The following ZNF226 variants were observed in gnomAD, a reference collection of about 807,000 sequenced individuals.
The protein encoded by ZNF226 is zinc finger protein 226.
Under a neutral mutation model 11.4 loss-of-function variants are expected in ZNF226, and 6 were observed. That is an observed-to-expected ratio of 0.53 (90% CI 0.29 to 1.04). The LOEUF (loss-of-function observed/expected upper bound fraction) is 1.04, where lower values mean the gene tolerates loss of function less well. Ranked by LOEUF, ZNF226 falls within the 50% of genes least tolerant of loss-of-function variation. The pLI is 0.08. For missense variants in ZNF226, 1,058 were observed against 956.5 expected, an observed-to-expected ratio of 1.11 and a Z score of -1.40; for synonymous variants, 350 against 322.8, an observed-to-expected ratio of 1.08 and a Z score of -0.90.
the ZNF226 span, among the ~76,000 whole-genome samples, chr19:44,193,947 T>C: frequency 3.8e-4 from 58 of 152,360 alleles, no homozygotes; most frequent in African/African-American, 1.3e-3. Flanking sequence ...GAAGATCCCA[T>C]TGCATTTCTT....
downstream of ZNF226, among the ~76,000 whole-genome samples, chr19:44,180,160 ATTT>A (rs1337969080): frequency 6.6e-6 from 1 of 151,836 alleles, no homozygotes; most frequent in Non-Finnish European, 1.5e-5. Flanking sequence ...GAAATATGTA[ATTT>A]TTGAGGTAAA....
chr19:44,166,106 A>G (rs1969341269), intron 2 of ZNF226, among the ~76,000 whole-genome samples: 1 of 152,208 alleles, frequency 6.6e-6, no homozygotes, highest in African/African-American at 2.4e-5. Flanking sequence ...CTTCTTTGGT[A>G]TGTTCTGCAT....
chr19:44,171,338 CT>C (rs1307825757), intron 3 of ZNF226, among the ~76,000 whole-genome samples: 1 of 151,984 alleles, frequency 6.6e-6, no homozygotes, highest in Non-Finnish European at 1.5e-5. Flanking sequence ...AAATATTAGA[CT>C]TTTTTTTACT....
rs754709256 is a variant in ZNF226 at position 44,172,915 on chromosome 19, G to A, written c.198G>A (p.Trp66Ter). The A allele has an allele frequency of 5.0e-6, 8 of 1,605,564 alleles. No individual in the cohort carries two copies. Among genetic ancestry groups the A allele is most frequent in the Non-Finnish European group, 6.0e-6 (7 of 1,176,046 alleles). ...CTATAGAAAGAAATGAGCAGCTTTG[G>A]ATAATGACGACAGCAACCCGAAGAC... is the stretch of plus-strand genomic sequence containing the variant. ...VSPIERNEQL[W>*]IMTTATRRQG... The change falls in exon 5 of 6, where the codon TGG (tryptophan) becomes TGA (stop). Residue 66 changes from tryptophan (W) to a stop codon, truncating the protein, a stop_gained. Transcript: ENST00000337433. LOFTEE classifies it low-confidence loss of function (END_TRUNC).
At chr19:44,178,359 CTG>C (rs1049621639), downstream of ZNF226, 1 of 152,124 alleles carries the variant, frequency 6.6e-6, no homozygotes, top group African/African-American at 2.4e-5. Context: ...TTTTTCAACA[CTG>C]TTAAGGCAGG....
chr19:44,194,619 A>G, the ZNF226 span, among the ~76,000 whole-genome samples: 1 of 152,196 alleles, frequency 6.6e-6, no homozygotes, highest in South Asian at 2.1e-4. Flanking sequence ...TTTATTTACC[A>G]AAGATTTACC....
chr19:44,197,146 G>T, the ZNF226 span, among the ~76,000 whole-genome samples: 1 of 152,028 alleles, frequency 6.6e-6, no homozygotes, highest in Non-Finnish European at 1.5e-5. Flanking sequence ...TACTTATTTT[G>T]TTACTGTAGA....
downstream of ZNF226, among the ~76,000 whole-genome samples, chr19:44,180,979 G>T (rs959874383): frequency 5.3e-5 from 8 of 152,160 alleles, no homozygotes; most frequent in African/African-American, 1.9e-4. Flanking sequence ...GTGTTAGGTA[G>T]TTTACTACTC....
chr19:44,189,355 G>A, the ZNF226 span, among the ~76,000 whole-genome samples: 21,209 of 152,184 alleles, frequency 0.14, 3,746 homozygotes, highest in African/African-American at 0.4. Context: ...AATTAGGTGA[G>A]ACCTAATGTA....
chr19:44,179,435 C>A (rs1970873866), downstream of ZNF226, among the ~76,000 whole-genome samples: 1 of 152,014 alleles, frequency 6.6e-6, no homozygotes, highest in African/African-American at 2.4e-5. Context: ...AATCTTGTGT[C>A]ATCATATAGC....
At position 44,176,381 on chromosome 19, in the gene ZNF226, T is replaced by C. The variant is rs1970681063; in HGVS notation, c.1119T>C (p.Ser373=). 1.2e-6 allele frequency: 2 copies of C among 1,614,032 alleles called. No individual in the cohort carries two copies. Among genetic ancestry groups the C allele is most frequent in the East Asian group, 4.5e-5 (2 of 44,870 alleles). ...GTGAGGAGTGTGGGAGGGCCTTCAG[T>C]CAGGCCTCTCATCTTCAGGACCATC... The part of the protein sequence containing the change: ...YNCEECGRAF[S]QASHLQDHQR... The change falls in exon 6 of 6, where the codon AGT becomes AGC. Residue 373 remains serine (S), a synonymous_variant. Coordinates refer to ENST00000337433, the MANE Select transcript of ZNF226 (RefSeq NM_001032373.2).
intron 5 of ZNF226, chr19:44,175,012 C>T: frequency 6.2e-7 from 1 of 1,611,372 alleles, no homozygotes; most frequent in Non-Finnish European, 8.5e-7. Context: ...CTCTTTTGCT[C>T]TATGACCTGG....
At chr19:44,175,436 G>A in intron 5 of ZNF226, 62 bp from the exon 6 acceptor site, 2 of 1,518,350 alleles carry the variant, frequency 1.3e-6, no homozygotes, top group Non-Finnish European at 1.8e-6. Flanking sequence ...TGTCCTCAGT[G>A]TGAAATCTTA....
chr19:44,190,157 A>T, the ZNF226 span, among the ~76,000 whole-genome samples: 1 of 152,202 alleles, frequency 6.6e-6, no homozygotes, highest in Non-Finnish European at 1.5e-5. Context: ...TTTCTACCAA[A>T]GATAATTACA....
intron 5 of ZNF226, 176 bp downstream of exon 5, chr19:44,173,128 G>A (rs1970302583): frequency 3.3e-6 from 2 of 600,512 alleles, no homozygotes; most frequent in East Asian, 5.7e-5. Context: ...TGTTCTTTAA[G>A]TGGCAAAGTG....
At chr19:44,182,347 G>A (rs570482922), downstream of ZNF226, among the ~76,000 whole-genome samples, 37 of 144,580 alleles carry the variant, frequency 2.6e-4, no homozygotes, top group African/African-American at 9.2e-4. Flanking sequence ...ATGCGCGCGC[G>A]CGCGTGCATA....
the ZNF226 span, among the ~76,000 whole-genome samples, chr19:44,195,897 T>C: frequency 2.6e-5 from 4 of 152,226 alleles, no homozygotes; most frequent in Admixed American, 2.6e-4. Context: ...ACCTGCTTTA[T>C]AGGTAATTCT....
intron 5 of ZNF226, 196 bp from the exon 6 acceptor site, chr19:44,175,302 C>G: frequency 7.1e-7 from 1 of 1,402,788 alleles, no homozygotes; most frequent in South Asian, 1.7e-5. Flanking sequence ...CAATTGGGAG[C>G]TTGGTGGACC....
intron 2 of ZNF226, among the ~76,000 whole-genome samples, chr19:44,167,473 C>T (rs983757410): frequency 6.6e-6 from 1 of 151,788 alleles, no homozygotes; most frequent in African/African-American, 2.4e-5. Context: ...CACCCGCCAC[C>T]ACACCGGCTA....
Sources: allele counts gnomAD v4.1 joint callset (sites outside exome capture counted in the v4.1 genomes callset), GRCh38; gene constraint gnomAD v4.1.1; transcripts MANE v1.5; gene names NCBI Gene and HGNC (gene_info 2026-07-23, HGNC 2026-07-21).